CAMK1D: variants seen among roughly 807,000 people sequenced by gnomAD.
The protein encoded by CAMK1D is calcium/calmodulin dependent protein kinase ID, also known as calcium/calmodulin-dependent protein kinase type 1D.
Under a neutral mutation model 47.7 loss-of-function variants are expected in CAMK1D, and 9 were observed. The observed-to-expected ratio is 0.19, with a 90% confidence interval of 0.11 to 0.33. CAMK1D has a LOEUF of 0.33. Among genes scored for constraint, CAMK1D ranks in the 10% least tolerant of loss-of-function variants. CAMK1D has a pLI of 1.00. For synonymous variants in CAMK1D, 184 were observed against 184.9 expected (o/e 0.99, Z 0.04); for missense variants, 291 against 488.7 (o/e 0.60, Z 3.81).
intron 3 of CAMK1D, among the ~76,000 whole-genome samples, chr10:12,752,905 T>C (rs1001200295): frequency 6.6e-6 from 1 of 152,176 alleles, no homozygotes; most frequent in Non-Finnish European, 1.5e-5. Flanking sequence ...CCACTTGTCA[T>C]GTACTCAAGG....
chr10:12,616,600 C>T (rs1287981830), intron 2 of CAMK1D, among the ~76,000 whole-genome samples: 1 of 151,790 alleles, frequency 6.6e-6, no homozygotes, highest in Non-Finnish European at 1.5e-5. Context: ...TCACTGCAAG[C>T]TCCGCCTCCC....
chr10:12,601,704 C>T (rs1244096179), intron 2 of CAMK1D, among the ~76,000 whole-genome samples: 3 of 152,152 alleles, frequency 2.0e-5, no homozygotes, highest in Non-Finnish European at 2.9e-5. Flanking sequence ...CTTCGTGATC[C>T]GCCCGCCTCG....
chr10:12,576,520 G>A (rs901574673), intron 2 of CAMK1D, among the ~76,000 whole-genome samples: 2 of 152,082 alleles, frequency 1.3e-5, no homozygotes, highest in African/African-American at 4.8e-5. Flanking sequence ...CCATGATGTA[G>A]CATCAGTGGG....
chr10:12,565,287 G>A (rs1837086114), intron 2 of CAMK1D, among the ~76,000 whole-genome samples: 1 of 146,526 alleles, frequency 6.8e-6, no homozygotes, highest in Non-Finnish European at 1.5e-5. Context: ...GTCTCACCCT[G>A]TCACCCAGGC....
At chr10:12,666,890 T>G in intron 3 of CAMK1D, 80 bp downstream of exon 3, 1 of 1,178,020 alleles carries the variant, frequency 8.5e-7, no homozygotes, top group Admixed American at 1.8e-5. Context: ...GGAAAAGAAG[T>G]GATTGAAGTG....
chr10:12,495,756 A>T (rs1351421366), intron 1 of CAMK1D, among the ~76,000 whole-genome samples: 1 of 152,234 alleles, frequency 6.6e-6, no homozygotes, highest in Non-Finnish European at 1.5e-5. Context: ...TGGGTGAAAG[A>T]TTGAAAAATT....
chr10:12,474,198 T>TC (rs1564361228), intron 1 of CAMK1D, among the ~76,000 whole-genome samples: 1 of 107,316 alleles, frequency 9.3e-6, no homozygotes, highest in East Asian at 2.3e-4. Flanking sequence ...TGAGGATCGT[T>TC]CTTTTTTTTT....
intron 2 of CAMK1D, among the ~76,000 whole-genome samples, chr10:12,577,258 G>T (rs1306174282): frequency 5.3e-5 from 8 of 152,140 alleles, no homozygotes; most frequent in Non-Finnish European, 1.5e-5. Flanking sequence ...GCCGTGTTGG[G>T]TTCCCAGCCC....
intron 2 of CAMK1D, among the ~76,000 whole-genome samples, chr10:12,562,572 T>G (rs892835577): frequency 3.3e-5 from 5 of 152,150 alleles, no homozygotes; most frequent in African/African-American, 9.7e-5. Flanking sequence ...GATCTACCTC[T>G]TTGGTTTTCA....
chr10:12,654,284 G>T (rs1840059776), intron 2 of CAMK1D, among the ~76,000 whole-genome samples: 1 of 152,166 alleles, frequency 6.6e-6, no homozygotes, highest in Non-Finnish European at 1.5e-5. Context: ...TCTGAAACAA[G>T]CTTTCTGAGA....
chr10:12,356,930 T>G (rs904747195), intron 1 of CAMK1D, among the ~76,000 whole-genome samples: 1 of 152,130 alleles, frequency 6.6e-6, no homozygotes, highest in African/African-American at 2.4e-5. Context: ...GGTGGAGATT[T>G]GTGTGCTCTC....
chr10:12,820,058 G>T (rs948195848), intron 8 of CAMK1D, among the ~76,000 whole-genome samples: 1 of 152,212 alleles, frequency 6.6e-6, no homozygotes, highest in Non-Finnish European at 1.5e-5. Context: ...TGCACCGGAG[G>T]TGGTGGGAGC....
At chr10:12,756,918 G>T (rs756942596) in intron 3 of CAMK1D, among the ~76,000 whole-genome samples, 2 of 152,162 alleles carry the variant, frequency 1.3e-5, no homozygotes, top group Non-Finnish European at 2.9e-5. Context: ...GTGAGACTCC[G>T]TCTCAAAATA....
intron 1 of CAMK1D, among the ~76,000 whole-genome samples, chr10:12,367,212 CATAAA>C (rs151307187): frequency 0.067 from 10,142 of 152,204 alleles, 442 homozygotes; most frequent in Non-Finnish European, 0.087. Context: ...TGCTTCATGA[CATAAA>C]ATAAACACTG....
chr10:12,749,313 T>C (rs999033360), intron 3 of CAMK1D, among the ~76,000 whole-genome samples: 3 of 152,146 alleles, frequency 2.0e-5, no homozygotes, highest in South Asian at 4.2e-4. Flanking sequence ...ATACTATTAA[T>C]ACCAACATAA....
chr10:12,760,560 C>G (rs1455904659), intron 3 of CAMK1D: 1 of 163,722 alleles, frequency 6.1e-6, no homozygotes, highest in Non-Finnish European at 1.3e-5. Flanking sequence ...CCACAACACT[C>G]TCGGTCATTT....
At chr10:12,824,786 G>A (rs1033179449) in intron 9 of CAMK1D, among the ~76,000 whole-genome samples, 4 of 152,182 alleles carry the variant, frequency 2.6e-5, no homozygotes, top group East Asian at 1.9e-4. Context: ...CTCATCTGCT[G>A]TTTCTTAACC....
intron 1 of CAMK1D, among the ~76,000 whole-genome samples, chr10:12,480,831 A>T (rs1345009597): frequency 6.6e-6 from 1 of 152,218 alleles, no homozygotes. Flanking sequence ...CCACATGGAA[A>T]CGTGTAGATA....
chr10:12,723,423 G>A (rs953030212), intron 3 of CAMK1D, among the ~76,000 whole-genome samples: 9 of 152,218 alleles, frequency 5.9e-5, no homozygotes, highest in African/African-American at 1.4e-4. Flanking sequence ...TCCCTGAATC[G>A]TTTTTGGGGC....
Sources: gnomAD v4.1 joint callset for allele counts (sites outside exome capture counted in the v4.1 genomes callset) on GRCh38, gnomAD v4.1.1 for gene constraint, MANE v1.5 for transcripts, NCBI Gene and HGNC (gene_info 2026-07-23, HGNC 2026-07-21) for gene names.